Variants in IARS2 observed in about 807,000 individuals in gnomAD.
IARS2 encodes the protein isoleucine--tRNA ligase, mitochondrial.
IARS2 carries 56 observed loss-of-function variants against 126.3 expected under a neutral mutation model. The ratio of observed to expected loss-of-function variants is 0.44; its 90% CI spans 0.36 to 0.55. IARS2 has a LOEUF of 0.55. Among genes scored for constraint, IARS2 ranks in the 20% least tolerant of loss-of-function variants. The pLI is 0.00. For synonymous variants in IARS2, 407 were observed against 441.1 expected (o/e 0.92, Z 0.97); for missense variants, 1,127 against 1,245.9 (o/e 0.90, Z 1.44).
chr1:220,122,678 G>A (rs1442093974), intron 12 of IARS2, among the ~76,000 whole-genome samples: 1 of 152,146 alleles, frequency 6.6e-6, no homozygotes, highest in Non-Finnish European at 1.5e-5. Flanking sequence ...TGCTTGTAAA[G>A]TGCTTCGAAA....
At chr1:220,115,568 T>G (rs949822709) in intron 12 of IARS2, among the ~76,000 whole-genome samples, 2 of 151,898 alleles carry the variant, frequency 1.3e-5, no homozygotes, top group African/African-American at 4.8e-5. Context: ...TCAAAAAAAT[T>G]AAAAAAGAAA....
At chr1:220,113,622 G>GAT (rs1478761059) in intron 11 of IARS2, among the ~76,000 whole-genome samples, 3 of 143,326 alleles carry the variant, frequency 2.1e-5, no homozygotes, top group African/African-American at 9.0e-5. Context: ...GCCATTTGTC[G>GAT]ATAGATATAT....
At chr1:220,134,264 G>C (rs1657323646) in intron 14 of IARS2, 138 bp from the exon 15 acceptor site, 1 of 575,028 alleles carries the variant, frequency 1.7e-6, no homozygotes, top group Non-Finnish European at 3.0e-6. Context: ...TCTTGGTTAA[G>C]GTGGCATCTG....
At position 220,125,150 on chromosome 1, in the gene IARS2, A is replaced by T. The variant is rs1657126858; in HGVS notation, c.1641-87A>T. On this transcript the variant is annotated intron_variant, in intron 12 of 22. Transcript: ENST00000366922. Reference sequence around the variant, plus strand: ...AAACTAAGGTTTGAGGAAAAAGGAAAATAAATCACTATTTCTTAATTTTAA... The same window carrying T: ...AAACTAAGGTTTGAGGAAAAAGGAATATAAATCACTATTTCTTAATTTTAA... 6.8e-6 allele frequency: 5 copies of T among 739,800 alleles called. No individual in the cohort carries two copies. The South Asian group carries it at 1.4e-4, about 21-fold the overall frequency. The allele number at this position is 739,800 out of a possible 1,614,324, so 45.8% of individuals were successfully genotyped here.
At chr1:220,117,992 T>C (rs751889780) in intron 12 of IARS2, 2 of 457,546 alleles carry the variant, frequency 4.4e-6, no homozygotes, top group Admixed American at 5.5e-5. Flanking sequence ...TATTGGATCT[T>C]TTTGGTGTTA....
chr1:220,122,686 A>G (rs1269705905), intron 12 of IARS2, among the ~76,000 whole-genome samples: 1 of 152,224 alleles, frequency 6.6e-6, no homozygotes, highest in Non-Finnish European at 1.5e-5. Flanking sequence ...AAGTGCTTCG[A>G]AAAAGATATG....
At chr1:220,146,740 T>C (rs1571867520) in intron 22 of IARS2, among the ~76,000 whole-genome samples, 1 of 152,104 alleles carries the variant, frequency 6.6e-6, no homozygotes, top group South Asian at 2.1e-4. Flanking sequence ...GGCGCAATCT[T>C]GGTTTACCGC....
At chr1:220,141,478 A>G (rs1657491831) in intron 19 of IARS2, among the ~76,000 whole-genome samples, 1 of 152,202 alleles carries the variant, frequency 6.6e-6, no homozygotes, top group South Asian at 2.1e-4. Flanking sequence ...TTCCCTTAAA[A>G]CACTAATAAC....
At chr1:220,126,040 G>A (rs574838067) in intron 13 of IARS2, among the ~76,000 whole-genome samples, 50 of 150,982 alleles carry the variant, frequency 3.3e-4, no homozygotes, top group African/African-American at 1.1e-3. Flanking sequence ...CCGGGAGGCG[G>A]AGCTTGCAGT....
intron 12 of IARS2, among the ~76,000 whole-genome samples, chr1:220,122,225 C>T (rs1487108933): frequency 2.0e-5 from 3 of 151,924 alleles, no homozygotes; most frequent in Non-Finnish European, 2.9e-5. Context: ...TCACTTTTTC[C>T]GATGTTTATA....
intron 12 of IARS2, among the ~76,000 whole-genome samples, chr1:220,121,665 G>A (rs1325283950): frequency 6.6e-6 from 1 of 152,084 alleles, no homozygotes; most frequent in Non-Finnish European, 1.5e-5. Flanking sequence ...GGCTGGTCTT[G>A]AACTCTTGGG....
Position 220,137,898 on chromosome 1 carries a change from AT to A in IARS2, c.2050-13del, listed in dbSNP as rs767114976. ...GAATTGAAAGCCATTGTGTTTATAT[AT>A]TTTTTTCTCAATGAAAAGGATCAAA... On this transcript the variant is annotated intron_variant, in intron 16 of 22. Transcript: ENST00000366922. 4 of 1,613,296 alleles carry A rather than the reference AT, an allele frequency of 2.5e-6. No homozygotes were observed. Among genetic ancestry groups the A allele is most frequent in the Non-Finnish European group, 2.5e-6 (3 of 1,179,524 alleles).
At chr1:220,120,208 A>G (rs1429707638) in intron 12 of IARS2, among the ~76,000 whole-genome samples, 2 of 150,914 alleles carry the variant, frequency 1.3e-5, no homozygotes, top group East Asian at 3.9e-4. Context: ...CAGCCTCCCA[A>G]GTAGCTGGGA....
intron 18 of IARS2, 102 bp from the exon 19 acceptor site, chr1:220,140,081 T>A: frequency 1.4e-6 from 1 of 702,442 alleles, no homozygotes; most frequent in Non-Finnish European, 2.6e-6. Flanking sequence ...TGTATTTGTC[T>A]CATTGAAACA....
chr1:220,112,477 G>A (rs1656826651), intron 11 of IARS2, among the ~76,000 whole-genome samples: 1 of 151,460 alleles, frequency 6.6e-6, no homozygotes, highest in African/African-American at 2.4e-5. Context: ...TTATTTTAAA[G>A]CAAATTCCAG....
chr1:220,102,403 C>T lies in IARS2; in HGVS notation c.740C>T (p.Pro247Leu), dbSNP rs780062054. The change falls in exon 5 of 23, where the codon CCG (proline) becomes CTG (leucine). Residue 247 changes from proline to leucine, a missense_variant. Pro to Leu is a moderately conservative substitution (Grantham distance 98). Coordinates refer to ENST00000366922, the MANE Select transcript of IARS2 (RefSeq NM_018060.4). Reference protein sequence around the residue: ...YRSYKPVFWSPSSRTALAEAE... With the variant: ...YRSYKPVFWSLSSRTALAEAE... ...TCTTACAAACCTGTGTTTTGGTCTC[C>T]GTCATCTAGGTATATATGCATTTTT... 77 of 1,613,534 alleles carry T rather than the reference C, an allele frequency of 4.8e-5. No individual in the cohort carries two copies. The highest frequency in any genetic ancestry group is 3.3e-4 in the Middle Eastern group (2 of 6,084).
Position 220,105,907 on chromosome 1 carries a change from T to G in IARS2, c.1083T>G (p.Asn361Lys), listed in dbSNP as rs779067575. 1 of 1,613,868 alleles carries G rather than the reference T, an allele frequency of 6.2e-7. No homozygotes were observed. Among genetic ancestry groups the G allele is most frequent in the South Asian group, 1.1e-5 (1 of 91,074 alleles). Reference sequence around the variant, plus strand: ...TCCCCACAGGTGTAGATTTGGAAAATGGTACTTGCAGTCATCCATTAATTC... The same window carrying G: ...TCCCCACAGGTGTAGATTTGGAAAAGGGTACTTGCAGTCATCCATTAATTC... ...ISTLSGVDLE[N>K]GTCSHPLIPD... is the part of the protein sequence containing the mutation. The change falls in exon 9 of 23, where the codon AAT (asparagine) becomes AAG (lysine). Residue 361 changes from asparagine to lysine, a missense_variant. By Grantham distance (94) the Asn-to-Lys change is moderately conservative. Coordinates refer to ENST00000366922, the MANE Select transcript of IARS2 (RefSeq NM_018060.4).
chr1:220,117,764 T>C, intron 12 of IARS2: 1 of 433,626 alleles, frequency 2.3e-6, no homozygotes, highest in Non-Finnish European at 4.6e-6. Context: ...ATGTTTTATT[T>C]ACTCAATACA....
At chr1:220,144,192 A>T in intron 21 of IARS2, 2 of 785,932 alleles carry the variant, frequency 2.5e-6, no homozygotes, top group Non-Finnish European at 4.6e-6. Context: ...TGTGACCATC[A>T]GTGATTTCAA....
Sources: allele counts gnomAD v4.1 joint callset (sites outside exome capture counted in the v4.1 genomes callset), GRCh38; gene constraint gnomAD v4.1.1; transcripts MANE v1.5; gene names NCBI Gene and HGNC (gene_info 2026-07-23, HGNC 2026-07-21).